The following SFMBT2 variants were observed in gnomAD, a reference collection of about 807,000 sequenced individuals.
SFMBT2 encodes scm-like with four MBT domains protein 2.
A neutral mutation model predicts 110.1 loss-of-function variants in SFMBT2; 38 were observed. That is an observed-to-expected ratio of 0.35 (90% CI 0.27 to 0.45). SFMBT2 has a LOEUF of 0.45. Among genes scored for constraint, SFMBT2 ranks in the 20% least tolerant of loss-of-function variants. The probability of loss-of-function intolerance (pLI) is 1.00; values close to 1 mark genes in which losing one functional copy is unlikely to be tolerated. For missense variants in SFMBT2, 1,011 were observed against 1,094.9 expected (o/e 0.92, Z 1.08); for synonymous variants, 425 against 425.4 (o/e 1.00, Z 0.01).
chr10:7,219,115 C>T (rs181103999), intron 11 of SFMBT2, among the ~76,000 whole-genome samples: 2 of 152,130 alleles, frequency 1.3e-5, no homozygotes, highest in East Asian at 1.9e-4. Flanking sequence ...TGTTAGATAG[C>T]AAGTTAAATT....
intron 4 of SFMBT2, among the ~76,000 whole-genome samples, chr10:7,353,967 A>G (rs1272015338): frequency 2.0e-5 from 3 of 151,750 alleles, no homozygotes; most frequent in South Asian, 2.1e-4. Flanking sequence ...CGTGCGTGTA[A>G]TCTCAGCTAC....
chr10:7,213,923 G>A (rs1433029509), intron 11 of SFMBT2, among the ~76,000 whole-genome samples: 3 of 152,186 alleles, frequency 2.0e-5, no homozygotes, highest in African/African-American at 4.8e-5. Context: ...GAGCAGGACT[G>A]GGGGATTCTA....
At position 7,193,655 on chromosome 10, in the gene SFMBT2, C is replaced by T. The variant is rs150164659; in HGVS notation, c.1698+3893G>A. 4.5e-3 allele frequency among the ~76,000 whole-genome samples: 687 copies of T among 152,340 alleles called. 1 individual carries two copies. Among genetic ancestry groups the T allele is most frequent in the Non-Finnish European group, 8.0e-3 (541 of 68,038 alleles). On this transcript the variant is annotated intron_variant, in intron 15 of 20. Transcript: ENST00000397167. ...TAAATAGATTAGATGTTCCGCTCCC[C>T]GTTGGCCTCTTGTGCCCAGGCTGGC...
chr10:7,371,628 C>G (rs1343745142), intron 2 of SFMBT2, among the ~76,000 whole-genome samples: 3 of 152,128 alleles, frequency 2.0e-5, no homozygotes, highest in African/African-American at 7.2e-5. Context: ...ATTATTTGAA[C>G]CAATTGGCAA....
intron 17 of SFMBT2, among the ~76,000 whole-genome samples, chr10:7,175,428 C>CACCCTGTGTCCTGGGAG (rs1176798954): frequency 6.6e-6 from 1 of 152,212 alleles, no homozygotes; most frequent in African/African-American, 2.4e-5. Context: ...CTGAGTCCTG[C>CACCCTGTGTCCTGGGAG]ACCCTGTGTC....
intron 4 of SFMBT2, among the ~76,000 whole-genome samples, chr10:7,316,607 G>A (rs897779159): frequency 3.3e-5 from 5 of 152,176 alleles, no homozygotes; most frequent in African/African-American, 1.2e-4. Flanking sequence ...GATCCACCAT[G>A]CACAGGACAA....
rs774454869 is a variant in SFMBT2, at chr10:7,172,521, C to T, written c.2125G>A (p.Val709Met). The change falls in exon 18 of 21, where the codon GTG (valine) becomes ATG (methionine). Residue 709 changes from valine (V) to methionine (M), a missense_variant. Coordinates refer to ENST00000397167, the MANE Select transcript of SFMBT2 (RefSeq NM_001387889.1). This position sits in a 1 kb window ranked among gnomAD's most constrained non-coding sequence, Gnocchi z 4.6. ...FVQKKRRSSA[V>M]DFTAGSGEES... ...TCCCCCGAGCCCGCGGTGAAGTCCA[C>T]GGCAGAAGACCTCCGTTTCTTCTGC... The T allele has an allele frequency of 7.4e-6, 12 of 1,614,142 alleles. No homozygotes were observed. The highest frequency in any genetic ancestry group is 2.2e-5 in the East Asian group (1 of 44,850).
intron 4 of SFMBT2, among the ~76,000 whole-genome samples, chr10:7,297,239 G>A (rs1842429257): frequency 6.6e-6 from 1 of 152,214 alleles, no homozygotes; most frequent in Admixed American, 6.5e-5. Context: ...AGACTGAGCT[G>A]GCCTTGCACT....
At chr10:7,221,469 G>C (rs897442136) in intron 10 of SFMBT2, among the ~76,000 whole-genome samples, 7 of 151,944 alleles carry the variant, frequency 4.6e-5, no homozygotes, top group Non-Finnish European at 8.8e-5. Flanking sequence ...GGGAGGCTGA[G>C]GCAAGAGACT....
intron 4 of SFMBT2, among the ~76,000 whole-genome samples, chr10:7,308,826 C>G (rs1024257718): frequency 6.6e-6 from 1 of 152,148 alleles, no homozygotes; most frequent in African/African-American, 2.4e-5. Context: ...ACTACAGAAG[C>G]CTGCACAGTA....
chr10:7,387,946 CAA>C (rs377383266), intron 1 of SFMBT2, among the ~76,000 whole-genome samples: 25 of 107,194 alleles, frequency 2.3e-4, no homozygotes, highest in Admixed American at 3.8e-4. Flanking sequence ...AACTCTGTTT[CAA>C]AAAAAAAAAA....
At chr10:7,291,556 C>G (rs1842261740) in intron 4 of SFMBT2, among the ~76,000 whole-genome samples, 1 of 152,140 alleles carries the variant, frequency 6.6e-6, no homozygotes, top group South Asian at 2.1e-4. Context: ...TTTGTTGTTT[C>G]TTCATCTCAT....
intron 15 of SFMBT2, among the ~76,000 whole-genome samples, chr10:7,193,266 G>A (rs1339922711): frequency 2.6e-5 from 4 of 152,122 alleles, no homozygotes; most frequent in African/African-American, 4.8e-5. Context: ...AAGCTCATGC[G>A]GAAAACCCAC....
intron 4 of SFMBT2, among the ~76,000 whole-genome samples, chr10:7,342,448 G>T (rs910462468): frequency 1.7e-5 from 2 of 118,344 alleles, no homozygotes; most frequent in Admixed American, 1.2e-4. Context: ...TCGCTCTGTC[G>T]CCCAGGCTGG....
intron 10 of SFMBT2, 95 bp downstream of exon 10, chr10:7,227,760 T>G (rs1588360228): frequency 9.3e-7 from 1 of 1,069,670 alleles, no homozygotes; most frequent in Middle Eastern, 2.2e-4. Flanking sequence ...ACTGTAATAC[T>G]CCAACCGTGC....
intron 4 of SFMBT2, among the ~76,000 whole-genome samples, chr10:7,289,396 A>T (rs1210557540): frequency 6.6e-6 from 1 of 152,240 alleles, no homozygotes; most frequent in Admixed American, 6.5e-5. Flanking sequence ...GCACCCTATG[A>T]AGTCACTGCA....
At chr10:7,189,319 TC>T in intron 15 of SFMBT2, 1 of 330,902 alleles carries the variant, frequency 3.0e-6, no homozygotes, top group Non-Finnish European at 4.3e-6. Context: ...CCATCCAGTA[TC>T]ATATTTCCCC....
intron 7 of SFMBT2, among the ~76,000 whole-genome samples, chr10:7,254,368 A>G (rs999172822): frequency 1.3e-5 from 2 of 152,232 alleles, no homozygotes; most frequent in African/African-American, 4.8e-5. Context: ...AAAGAGAGGC[A>G]AGAACAGCTA....
At chr10:7,239,044 C>T (rs1427079199) in intron 9 of SFMBT2, among the ~76,000 whole-genome samples, 1 of 152,214 alleles carries the variant, frequency 6.6e-6, no homozygotes, top group Non-Finnish European at 1.5e-5. Context: ...CTCTAGCTCA[C>T]TTGTCTCTAA....
Sources: gnomAD v4.1 joint callset for allele counts (sites outside exome capture counted in the v4.1 genomes callset) on GRCh38, gnomAD v4.1.1 for gene constraint, Gnocchi (gnomAD v3.1) non-coding constraint, MANE v1.5 for transcripts, NCBI Gene and HGNC (gene_info 2026-07-23, HGNC 2026-07-21) for gene names.